Variants in ZC3H13 observed in about 807,000 individuals in gnomAD.
The protein encoded by ZC3H13 is zinc finger CCCH-type containing 13.
Under a neutral mutation model 204.1 loss-of-function variants are expected in ZC3H13, and 64 were observed. The observed-to-expected ratio is 0.31, with a 90% CI of 0.26 to 0.39. ZC3H13 has a LOEUF of 0.39. ZC3H13 is among the 10% of genes least tolerant of loss of function. The pLI, the probability that ZC3H13 is intolerant of heterozygous loss-of-function variation, is 1.00. For missense variants in ZC3H13, 1,833 were observed against 2,082.7 expected, an observed-to-expected ratio of 0.88 and a Z score of 2.33; for synonymous variants, 667 against 693.7, an observed-to-expected ratio of 0.96 and a Z score of 0.60.
chr13:45,992,300 T>C (rs902424488), intron 8 of ZC3H13, among the ~76,000 whole-genome samples: 2 of 152,192 alleles, frequency 1.3e-5, no homozygotes, highest in Non-Finnish European at 2.9e-5. Flanking sequence ...AGCATTATTT[T>C]TGGCAATGAG....
chr13:46,038,454 T>C (rs532893906), intron 4 of ZC3H13, among the ~76,000 whole-genome samples: 1 of 152,318 alleles, frequency 6.6e-6, no homozygotes, highest in South Asian at 2.1e-4. Context: ...ATTTATGAAT[T>C]TGATAACCAC....
intron 1 of ZC3H13, among the ~76,000 whole-genome samples, chr13:46,051,357 T>G (rs1490501530): frequency 6.6e-6 from 1 of 152,228 alleles, no homozygotes; most frequent in Non-Finnish European, 1.5e-5. Flanking sequence ...AGTGCAACTA[T>G]TTTTAAAGCC....
chr13:45,991,868 G>A (rs1269444159), intron 8 of ZC3H13, among the ~76,000 whole-genome samples: 1 of 151,936 alleles, frequency 6.6e-6, no homozygotes, highest in African/African-American at 2.4e-5. Context: ...AATATTCAGG[G>A]TATATTTCAT....
intron 1 of ZC3H13, chr13:46,051,845 C>G (rs1248682775): frequency 6.6e-6 from 1 of 152,108 alleles, no homozygotes; most frequent in Non-Finnish European, 1.5e-5. Context: ...TTGCGTTAGC[C>G]TATTACAGAG....
At chr13:45,958,947 C>T (rs999410583) in intron 18 of ZC3H13, among the ~76,000 whole-genome samples, 26 of 152,166 alleles carry the variant, frequency 1.7e-4, no homozygotes, top group African/African-American at 6.3e-4. Context: ...AGCCACCACG[C>T]CCGGCCAAAA....
At chr13:46,049,093 A>C (rs957502843) in intron 1 of ZC3H13, among the ~76,000 whole-genome samples, 1 of 150,158 alleles carries the variant, frequency 6.7e-6, no homozygotes, top group Non-Finnish European at 1.5e-5. Flanking sequence ...TGGAGGTTGC[A>C]GTGAGCCGAG....
At chr13:46,039,409 T>C (rs1337552370) in intron 4 of ZC3H13, among the ~76,000 whole-genome samples, 1 of 152,216 alleles carries the variant, frequency 6.6e-6, no homozygotes, top group African/African-American at 2.4e-5. Flanking sequence ...GTATATACCA[T>C]TTATTACGCA....
chr13:46,000,175 G>C (rs2040638083), intron 8 of ZC3H13, among the ~76,000 whole-genome samples: 1 of 152,138 alleles, frequency 6.6e-6, no homozygotes, highest in Non-Finnish European at 1.5e-5. Context: ...AAAACCCCCA[G>C]CTGCACTGGC....
chr13:46,014,176 T>C (rs1431443467), intron 5 of ZC3H13, among the ~76,000 whole-genome samples: 2 of 152,182 alleles, frequency 1.3e-5, no homozygotes, highest in South Asian at 2.1e-4. Context: ...TTAAAATTTA[T>C]TTATTTTACT....
rs1953385184 is a variant in ZC3H13 at position 45,979,753 on chromosome 13, GA to G, written c.1912+59del. 5 of 1,481,616 alleles carry G rather than the reference GA, an allele frequency of 3.4e-6. No homozygotes were observed. The Admixed American group carries it at 1.2e-4, about 35-fold the overall frequency. 91.8% of individuals were successfully genotyped at this position (1,481,616 alleles called of 1,614,324 possible). ...TTAAAAAGTAAATTGGTAACTGTTTGAAAAAACAATTCGCCCAATTGATATT... is the reference window on the plus strand; with the variant it reads ...TTAAAAAGTAAATTGGTAACTGTTTGAAAAACAATTCGCCCAATTGATATT... On this transcript the variant is annotated intron_variant, in intron 11 of 18. Coordinates refer to ENST00000679008, the MANE Select transcript of ZC3H13 (RefSeq NM_001330564.2).
chr13:46,020,494 G>C lies in ZC3H13; in HGVS notation c.403C>G (p.Pro135Ala). 1.2e-6 allele frequency: 2 copies of C among 1,610,952 alleles called. No individual in the cohort carries two copies. The highest frequency in any genetic ancestry group is 1.7e-6 in the Non-Finnish European group (2 of 1,178,696). ...TCTACATTTTCTTCTTCACTTTCTG[G>C]AGTTCTTTCCTTAGTGATTTTTATG... is the stretch of plus-strand genomic sequence containing the variant. ...EDIKITKERTPESEEENVEWE... is the reference protein window; with the variant it reads ...EDIKITKERTAESEEENVEWE... Residue 135 changes from proline to alanine, a missense_variant, in exon 5 of 19, where the codon CCA becomes GCA. Transcript: ENST00000679008.
At position 45,958,310 on chromosome 13, in the gene ZC3H13, C is replaced by T. The variant is rs1370257637; in HGVS notation, c.4840-1013G>A. 7.2e-5 allele frequency among the ~76,000 whole-genome samples: 11 copies of T among 152,034 alleles called. No homozygotes were observed. In the South Asian group the frequency reaches 1.5e-3, roughly 20 times the overall value. ...AGATAATTCTGTTTTCCTAACTGCC[C>T]CAAGTAAAAAGCTAGTGAAGTTAAC... On this transcript the variant is annotated intron_variant, in intron 18 of 18. Transcript: ENST00000679008.
intron 5 of ZC3H13, among the ~76,000 whole-genome samples, chr13:46,016,959 T>C (rs1292726881): frequency 2.0e-5 from 3 of 152,112 alleles, no homozygotes; most frequent in Non-Finnish European, 4.4e-5. Flanking sequence ...TGGTAATGCC[T>C]GGGTGGAGGG....
Position 46,045,045 on chromosome 13 carries a change from A to G in ZC3H13, c.137T>C (p.Leu46Pro). ...STAETQCRNW[L>P]KTGNCLYGNT... is the part of the protein sequence containing the mutation. The stretch of plus-strand genomic sequence containing the variant: ...TCCATAGAGGCAGTTGCCAGTCTTC[A>G]GCCAGTTACGGCACTGTGTCTAAGA... The change falls in exon 3 of 19, where the codon CTG (leucine) becomes CCG (proline). Residue 46 changes from leucine (L) to proline (P), a missense_variant. Around this residue, in one of 5 missense-constraint regions of ZC3H13, gnomAD observed 18 missense variants for 46.0 expected, o/e 0.39. Transcript: ENST00000679008. 1 of 1,613,564 alleles carries G rather than the reference A, an allele frequency of 6.2e-7. No individual in the cohort carries two copies. Among genetic ancestry groups the G allele is most frequent in the Middle Eastern group, 1.7e-4 (1 of 6,058 alleles).
intron 4 of ZC3H13, among the ~76,000 whole-genome samples, chr13:46,026,704 C>T (rs2042564422): frequency 6.6e-6 from 1 of 152,036 alleles, no homozygotes; most frequent in Non-Finnish European, 1.5e-5. Flanking sequence ...TTAAACAATT[C>T]TTAGATAATG....
chr13:46,049,692 G>A (rs970492669), intron 1 of ZC3H13, among the ~76,000 whole-genome samples: 1 of 152,030 alleles, frequency 6.6e-6, no homozygotes, highest in African/African-American at 2.4e-5. Context: ...CTTTGGGCCC[G>A]TAAAGGAAAA....
At chr13:45,965,881 T>C (rs1952037293) in intron 15 of ZC3H13, among the ~76,000 whole-genome samples, 1 of 152,180 alleles carries the variant, frequency 6.6e-6, no homozygotes, top group Non-Finnish European at 1.5e-5. Context: ...TACTCGAAGC[T>C]TAAATCTTAG....
intron 1 of ZC3H13, among the ~76,000 whole-genome samples, chr13:46,051,296 T>C (rs575359953): frequency 6.6e-6 from 1 of 152,274 alleles, no homozygotes; most frequent in African/African-American, 2.4e-5. Context: ...AGGCATACAT[T>C]TGATAAAACT....
In ZC3H13 at chr13:45,975,371, CTT is replaced by C; in HGVS notation, c.2378_2379del (p.Lys793ArgfsTer6). 1 of 1,614,018 alleles carries C rather than the reference CTT, an allele frequency of 6.2e-7. No homozygotes were observed. Among genetic ancestry groups the C allele is most frequent in the South Asian group, 1.1e-5 (1 of 91,076 alleles). Reference sequence around the variant, plus strand: ...TCTCTGCGGTCATCTCGTCCTTTGTCTTTGTCTTCCCAATCCCTTTGGCGTTC... The same window carrying C: ...TCTCTGCGGTCATCTCGTCCTTTGTCTGTCTTCCCAATCCCTTTGGCGTTC... ...ERERQRDWED[K>X]DKGRDDRREK... On this transcript the variant is annotated frameshift_variant, in exon 12 of 19. Coordinates refer to ENST00000679008, the MANE Select transcript of ZC3H13 (RefSeq NM_001330564.2). LOFTEE classifies it high-confidence loss of function.
Sources: gnomAD v4.1 joint callset for allele counts (sites outside exome capture counted in the v4.1 genomes callset) on GRCh38, gnomAD v4.1.1 for gene constraint, gnomAD v4.1.1 regional missense constraint, MANE v1.5 for transcripts, NCBI Gene and HGNC (gene_info 2026-07-23, HGNC 2026-07-21) for gene names.